HMGXB4: variants seen among roughly 807,000 people sequenced by gnomAD.
HMGXB4 encodes the protein HMG domain-containing protein 4.
A neutral mutation model predicts 63.9 loss-of-function variants in HMGXB4; 27 were observed. The observed-to-expected ratio is 0.42, with a 90% CI of 0.31 to 0.58. The LOEUF (loss-of-function observed/expected upper bound fraction) is 0.58. HMGXB4 is among the 20% of genes least tolerant of loss of function. The pLI is 0.13. For missense variants in HMGXB4, 624 were observed against 700.7 expected, an observed-to-expected ratio of 0.89 and a Z score of 1.24; for synonymous variants, 264 against 265.3, an observed-to-expected ratio of 0.99 and a Z score of 0.05.
the HMGXB4 span, among the ~76,000 whole-genome samples, chr22:35,250,065 G>C: frequency 7.8e-6 from 1 of 128,840 alleles, no homozygotes; most frequent in African/African-American, 2.5e-5. Context: ...AAGACACAAG[G>C]CAGTACTGAC....
Position 35,284,026 on chromosome 22 carries a change from C to A in HMGXB4, c.1280C>A (p.Ala427Asp). ...FCKEYRVTIVADHPGIDFGEL... is the reference protein window; with the variant it reads ...FCKEYRVTIVDDHPGIDFGEL... ...AAAGAGTATCGCGTGACCATTGTGG[C>A]TGACCATCCAGGTATAGGTAAGAAC... The change falls in exon 6 of 11, where the codon GCT becomes GAT. Residue 427 changes from alanine to aspartate, a missense_variant. Coordinates refer to ENST00000216106, the MANE Select transcript of HMGXB4 (RefSeq NM_001003681.3). 1 of 1,613,412 alleles carries A rather than the reference C, an allele frequency of 6.2e-7. No individual in the cohort carries two copies. Among genetic ancestry groups the A allele is most frequent in the South Asian group, 1.1e-5 (1 of 91,066 alleles).
At chr22:35,273,069 C>T (rs1377445902) in intron 5 of HMGXB4, among the ~76,000 whole-genome samples, 1 of 152,198 alleles carries the variant, frequency 6.6e-6, no homozygotes, top group Non-Finnish European at 1.5e-5. Context: ...CACACCCAGA[C>T]ATTGTTGATC....
Position 35,283,981 on chromosome 22 carries a change from C to T in HMGXB4, c.1235C>T (p.Ser412Leu). Residue 412 changes from serine (S) to leucine (L), a missense_variant, in exon 6 of 11, where the codon TCG becomes TTG. By Grantham distance (145) the Ser-to-Leu change is moderately radical. Around this residue, in one of 2 missense-constraint regions of HMGXB4, gnomAD observed 152 missense variants for 230.1 expected, o/e 0.66. Transcript: ENST00000216106. ...RGEKPKKKNMSAYQVFCKEYR... is the reference protein window; with the variant it reads ...RGEKPKKKNMLAYQVFCKEYR... Reference sequence around the variant, plus strand: ...CATTAGCCAAAAAAGAAGAACATGTCGGCCTACCAGGTGTTCTGTAAAGAG... The same window carrying T: ...CATTAGCCAAAAAAGAAGAACATGTTGGCCTACCAGGTGTTCTGTAAAGAG... The T allele has an allele frequency of 1.2e-6, 2 of 1,613,824 alleles. No homozygotes were observed. Among genetic ancestry groups the T allele is most frequent in the Non-Finnish European group, 1.7e-6 (2 of 1,179,716 alleles).
intron 5 of HMGXB4, among the ~76,000 whole-genome samples, chr22:35,275,413 C>T (rs1017058365): frequency 1.1e-4 from 16 of 152,144 alleles, no homozygotes; most frequent in Non-Finnish European, 2.2e-4. Flanking sequence ...AGCTACCATG[C>T]CCAGCCACCA....
chr22:35,251,748 T>C, the HMGXB4 span, among the ~76,000 whole-genome samples: 28 of 152,310 alleles, frequency 1.8e-4, no homozygotes, highest in African/African-American at 5.3e-4. Context: ...AGTGCACATA[T>C]TTAATGTGTA....
At chr22:35,282,289 G>C (rs1924299733) in intron 5 of HMGXB4, among the ~76,000 whole-genome samples, 1 of 152,164 alleles carries the variant, frequency 6.6e-6, no homozygotes, top group East Asian at 1.9e-4. Flanking sequence ...CCATTCTCCT[G>C]CCTCAGCCTC....
intron 5 of HMGXB4, among the ~76,000 whole-genome samples, chr22:35,274,583 A>G (rs1329686178): frequency 6.6e-6 from 1 of 152,262 alleles, no homozygotes; most frequent in Non-Finnish European, 1.5e-5. Flanking sequence ...TCAGTTTCAC[A>G]GAAATAAGCT....
At chr22:35,287,146 A>G (rs941683945) in intron 7 of HMGXB4, 2 of 534,722 alleles carry the variant, frequency 3.7e-6, no homozygotes, top group South Asian at 4.4e-5. Flanking sequence ...AGGAATGTTT[A>G]TAGTCCTTTA....
chr22:35,243,636 G>A, the HMGXB4 span, among the ~76,000 whole-genome samples: 16 of 150,798 alleles, frequency 1.1e-4, no homozygotes, highest in South Asian at 2.1e-4. Flanking sequence ...CTCCACCTCC[G>A]GGGTTTAAGC....
rs1555888480 is a variant in HMGXB4 at position 35,279,699 on chromosome 22, T to TG, written c.1216-4261dup. On this transcript the variant is annotated intron_variant, in intron 5 of 10. Transcript: ENST00000216106. ...TTCCTTTTTTTTTTTTTTTTTTTTT[T>TG]GGCATGTGGATATCCAATTGTCCCA... Among the ~76,000 whole-genome samples the TG allele has an allele frequency of 8.3e-5, 9 of 108,258 alleles. 2 individuals carry two copies. The highest frequency in any genetic ancestry group is 6.4e-4 in the East Asian group (2 of 3,142). 71.0% of individuals were successfully genotyped at this position (108,258 alleles called of 152,430 possible).
intron 1 of HMGXB4, chr22:35,258,379 T>G (rs758254699): frequency 6.6e-6 from 1 of 152,214 alleles, no homozygotes; most frequent in Non-Finnish European, 1.5e-5. Context: ...TATTTCCTCC[T>G]AATAGAACAA....
the HMGXB4 span, among the ~76,000 whole-genome samples, chr22:35,246,313 C>A: frequency 6.6e-6 from 1 of 151,988 alleles, no homozygotes; most frequent in Non-Finnish European, 1.5e-5. Context: ...CTCGCTCTGT[C>A]GCCCAGGATA....
upstream of HMGXB4, among the ~76,000 whole-genome samples, chr22:35,253,132 C>CA (rs554912249): frequency 3.7e-3 from 357 of 96,420 alleles, 1 homozygote; most frequent in African/African-American, 0.013. Flanking sequence ...AACTCCATCT[C>CA]AAAAAAAAAA....
intron 5 of HMGXB4, among the ~76,000 whole-genome samples, chr22:35,277,873 G>A (rs1488809364): frequency 6.6e-6 from 1 of 152,074 alleles, no homozygotes; most frequent in Non-Finnish European, 1.5e-5. Flanking sequence ...ATCACCCAGA[G>A]TCCATAGTTT....
chr22:35,273,975 T>C (rs74440136), intron 5 of HMGXB4, among the ~76,000 whole-genome samples: 1 of 152,346 alleles, frequency 6.6e-6, no homozygotes, highest in Admixed American at 6.5e-5. Context: ...GGCCTCTTCA[T>C]GCGCAGTTCT....
At chr22:35,263,002 A>G in intron 2 of HMGXB4, 76 bp from the exon 3 acceptor site, 1 of 1,349,540 alleles carries the variant, frequency 7.4e-7, no homozygotes, top group Non-Finnish European at 1.0e-6. Flanking sequence ...GAACTGTTGC[A>G]TTACCTGCAT....
intron 4 of HMGXB4, 152 bp downstream of exon 4, chr22:35,264,026 GGA>G (rs1055768074): frequency 1.4e-5 from 22 of 1,550,342 alleles, no homozygotes; most frequent in South Asian, 9.6e-5. Flanking sequence ...GTGTGAAGGA[GGA>G]GAGAGGTGGA....
chr22:35,281,296 A>G (rs1270635450), intron 5 of HMGXB4, among the ~76,000 whole-genome samples: 1 of 152,212 alleles, frequency 6.6e-6, no homozygotes, highest in African/African-American at 2.4e-5. Context: ...CCACTATTTT[A>G]TGCAGCTTAA....
upstream of HMGXB4, among the ~76,000 whole-genome samples, chr22:35,256,667 T>A (rs879903633): frequency 1.9e-4 from 29 of 151,868 alleles, no homozygotes; most frequent in Admixed American, 9.2e-4. Flanking sequence ...GCCTGGCTAA[T>A]TTTTTGTATT....
Sources: gnomAD v4.1 joint callset for allele counts (sites outside exome capture counted in the v4.1 genomes callset) on GRCh38, gnomAD v4.1.1 for gene constraint, gnomAD v4.1.1 regional missense constraint, MANE v1.5 for transcripts, NCBI Gene and HGNC (gene_info 2026-07-23, HGNC 2026-07-21) for gene names.